The following ZSCAN5A variants were observed in gnomAD, a reference collection of about 807,000 sequenced individuals.
The protein encoded by ZSCAN5A is zinc finger and SCAN domain containing 5A, also known as zinc finger and SCAN domain-containing protein 5A.
ZSCAN5A carries 12 observed loss-of-function variants against 23.7 expected under a neutral mutation model. The ratio of observed to expected loss-of-function variants is 0.51; its 90% CI spans 0.32 to 0.82. The LOEUF is 0.82. ZSCAN5A is among the 40% of genes least tolerant of loss of function. The probability of loss-of-function intolerance (pLI) is 0.03; values close to 1 mark genes in which losing one functional copy is unlikely to be tolerated. For missense variants in ZSCAN5A, 597 were observed against 617.9 expected (o/e 0.97, Z 0.36); for synonymous variants, 257 against 239.9 (o/e 1.07, Z -0.66).
At chr19:56,358,387 C>T (rs538155306) in intron 2 of ZSCAN5A, among the ~76,000 whole-genome samples, 3 of 149,230 alleles carry the variant, frequency 2.0e-5, no homozygotes, top group South Asian at 2.1e-4. Context: ...TCCCAAAGCG[C>T]TGGGATTACA....
At chr19:56,321,467 T>C (rs2041374966) in intron 2 of ZSCAN5A, 2 of 688,160 alleles carry the variant, frequency 2.9e-6, no homozygotes, top group Non-Finnish European at 2.7e-6. Context: ...TTGGCTTTCA[T>C]GTCAAATTCC....
intron 2 of ZSCAN5A, among the ~76,000 whole-genome samples, chr19:56,248,541 C>T (rs1325336494): frequency 6.6e-6 from 1 of 152,090 alleles, no homozygotes; most frequent in East Asian, 1.9e-4. Context: ...CGGGTGTGAG[C>T]CACTGCATCC....
intron 2 of ZSCAN5A, among the ~76,000 whole-genome samples, chr19:56,280,182 G>C (rs150494398): frequency 1.3e-5 from 2 of 152,124 alleles, no homozygotes; most frequent in Non-Finnish European, 2.9e-5. Flanking sequence ...AAAAGACAGC[G>C]TATTATACAC....
intron 2 of ZSCAN5A, among the ~76,000 whole-genome samples, chr19:56,360,579 G>A (rs1237270514): frequency 6.6e-6 from 1 of 152,074 alleles, no homozygotes; most frequent in Non-Finnish European, 1.5e-5. Context: ...AACCAGCAAT[G>A]GGGAAAGGAT....
intron 2 of ZSCAN5A, among the ~76,000 whole-genome samples, chr19:56,231,996 C>CTTTTCTTTTTTTTTT (rs1555793341): frequency 8.0e-6 from 1 of 124,986 alleles, no homozygotes; most frequent in Admixed American, 9.0e-5. Context: ...TTTTTCTTTT[C>CTTTTCTTTTTTTTTT]TTTTTTTTTG....
chr19:56,275,124 T>G (rs567180897), intron 2 of ZSCAN5A, among the ~76,000 whole-genome samples: 53 of 152,304 alleles, frequency 3.5e-4, no homozygotes, highest in Admixed American at 5.2e-4. Flanking sequence ...TCGGCTAAGG[T>G]GGTGTCTGCC....
At chr19:56,356,786 T>G (rs2041703107) in intron 2 of ZSCAN5A, among the ~76,000 whole-genome samples, 1 of 148,480 alleles carries the variant, frequency 6.7e-6, no homozygotes, top group African/African-American at 2.5e-5. Context: ...AAAGAGTCGG[T>G]AGTGTTTTAC....
intron 2 of ZSCAN5A, among the ~76,000 whole-genome samples, chr19:56,277,597 C>T (rs775379998): frequency 6.6e-6 from 1 of 152,034 alleles, no homozygotes; most frequent in Admixed American, 6.6e-5. Flanking sequence ...GTGATTAAAG[C>T]CTCTAAAACT....
chr19:56,244,767 A>T (rs540707242), intron 2 of ZSCAN5A, among the ~76,000 whole-genome samples: 23 of 150,912 alleles, frequency 1.5e-4, no homozygotes, highest in Non-Finnish European at 2.8e-4. Context: ...TGTGAGGCCA[A>T]CATGAAAGAA....
At chr19:56,335,197 A>T (rs2041523453) in intron 2 of ZSCAN5A, among the ~76,000 whole-genome samples, 1 of 152,126 alleles carries the variant, frequency 6.6e-6, no homozygotes, top group Admixed American at 6.5e-5. Flanking sequence ...AAAGAATCTC[A>T]GAGCTTGAAG....
At chr19:56,235,164 T>C (rs1342261443) in intron 2 of ZSCAN5A, among the ~76,000 whole-genome samples, 3 of 57,582 alleles carry the variant, frequency 5.2e-5, no homozygotes, top group Non-Finnish European at 3.6e-5. Flanking sequence ...CAGCCTCTGA[T>C]TGACCGTGGG....
At chr19:56,235,950 C>T (rs367588212) in intron 2 of ZSCAN5A, among the ~76,000 whole-genome samples, 17 of 20,326 alleles carry the variant, frequency 8.4e-4, no homozygotes, top group Admixed American at 2.2e-3. Context: ...GTGGGCCAAG[C>T]CTCCACTCCA....
intron 2 of ZSCAN5A, chr19:56,310,548 A>C (rs1487621413): frequency 6.6e-6 from 1 of 152,278 alleles, no homozygotes; most frequent in Non-Finnish European, 1.5e-5. Context: ...TTAACTGTGC[A>C]CTTTACAGGT....
chr19:56,349,442 A>T (rs1320184715), intron 2 of ZSCAN5A, among the ~76,000 whole-genome samples: 2 of 152,148 alleles, frequency 1.3e-5, no homozygotes, highest in Non-Finnish European at 1.5e-5. Flanking sequence ...CACGCCTGTA[A>T]TCCCAGCACT....
chr19:56,317,758 G>C (rs1345933406), upstream of ZSCAN5A: 5 of 152,680 alleles, frequency 3.3e-5, no homozygotes, highest in African/African-American at 1.2e-4. Context: ...AGAAAGCAGA[G>C]TGTGAGGGAG....
chr19:56,269,863 C>T (rs1167684935), intron 2 of ZSCAN5A, among the ~76,000 whole-genome samples: 30 of 152,196 alleles, frequency 2.0e-4, no homozygotes, highest in Admixed American at 2.0e-3. Flanking sequence ...TTCACTCTAT[C>T]AACCCATTTC....
At chr19:56,258,371 A>ACCTTCCAGTGTGGGGGTGACGGACACG (rs757795697) in intron 2 of ZSCAN5A, among the ~76,000 whole-genome samples, 8 of 149,596 alleles carry the variant, frequency 5.3e-5, no homozygotes, top group African/African-American at 2.0e-4. Flanking sequence ...TGAAGGTCTC[A>ACCTTCCAGTGTGGGGGTGACGGACACG]CCTTCCAGTG....
chr19:56,275,698 T>C (rs375972031), intron 2 of ZSCAN5A, among the ~76,000 whole-genome samples: 4 of 152,370 alleles, frequency 2.6e-5, no homozygotes, highest in East Asian at 3.9e-4. Flanking sequence ...GGGACATCCA[T>C]AGATAGCAAG....
chr19:56,321,509 C>T (rs2041375157), intron 2 of ZSCAN5A: 2 of 724,362 alleles, frequency 2.8e-6, no homozygotes, highest in Non-Finnish European at 2.6e-6. Flanking sequence ...CACCATGCAC[C>T]ACTCACACGC....
Sources: allele counts gnomAD v4.1 joint callset (sites outside exome capture counted in the v4.1 genomes callset), GRCh38; gene constraint gnomAD v4.1.1; transcripts MANE v1.5; gene names NCBI Gene and HGNC (gene_info 2026-07-23, HGNC 2026-07-21).